The following SLIT2 variants were observed in gnomAD, a reference collection of about 807,000 sequenced individuals.
SLIT2 encodes slit guidance ligand 2.
SLIT2 carries 41 observed loss-of-function variants against 185.7 expected under a neutral mutation model. The ratio of observed to expected loss-of-function variants is 0.22; its 90% CI spans 0.17 to 0.29. The LOEUF (loss-of-function observed/expected upper bound fraction) is 0.29, where lower values mean the gene tolerates loss of function less well. Ranked by LOEUF, SLIT2 falls within the 10% of genes least tolerant of loss-of-function variation. SLIT2 has a pLI of 1.00. For missense variants in SLIT2, 1,571 were observed against 1,909.0 expected (o/e 0.82, Z 3.30); for synonymous variants, 693 against 680.2 (o/e 1.02, Z -0.29).
intron 29 of SLIT2, among the ~76,000 whole-genome samples, chr4:20,588,160 T>C (rs1367052668): frequency 1.3e-5 from 2 of 152,220 alleles, no homozygotes; most frequent in African/African-American, 4.8e-5. Context: ...TCATCATGCA[T>C]ATGTTGCTAA....
intron 11 of SLIT2, among the ~76,000 whole-genome samples, chr4:20,511,677 C>T (rs1350177284): frequency 6.7e-6 from 1 of 149,046 alleles, no homozygotes; most frequent in Non-Finnish European, 1.5e-5. Flanking sequence ...ATCCGCCCGT[C>T]TCGGCCTCCC....
intron 4 of SLIT2, among the ~76,000 whole-genome samples, chr4:20,387,665 G>T (rs1725037364): frequency 6.6e-6 from 1 of 152,116 alleles, no homozygotes; most frequent in African/African-American, 2.4e-5. Flanking sequence ...GCCAGTGCCG[G>T]TTCCCAGATG....
At position 20,325,308 on chromosome 4, in the gene SLIT2, C is replaced by T. The variant is rs190119544; in HGVS notation, c.395+56427C>T. ...TTCTTGGAGAAAAATATCTCTGGGA[C>T]AGCTTTAGTTTGGTGACCAACTCTG... On this transcript the variant is annotated intron_variant, in intron 4 of 36. Coordinates refer to ENST00000504154, the MANE Select transcript of SLIT2 (RefSeq NM_004787.4). Among the ~76,000 whole-genome samples, 238 of 150,068 alleles carry T rather than the reference C, an allele frequency of 1.6e-3. 1 individual carries two copies. Among genetic ancestry groups the T allele is most frequent in the Non-Finnish European group, 3.0e-3 (202 of 67,708 alleles).
chr4:20,294,959 G>T (rs1327341386), intron 4 of SLIT2, among the ~76,000 whole-genome samples: 1 of 152,142 alleles, frequency 6.6e-6, no homozygotes, highest in Non-Finnish European at 1.5e-5. Context: ...ATAAAACAAA[G>T]GTGCTACTTA....
intron 9 of SLIT2, among the ~76,000 whole-genome samples, chr4:20,499,899 AT>A (rs1166084949): frequency 6.6e-6 from 1 of 152,298 alleles, no homozygotes; most frequent in African/African-American, 2.4e-5. Context: ...CAAAGTATGA[AT>A]TTTTGATTGA....
chr4:20,364,167 C>A, intron 4 of SLIT2: 1 of 581,356 alleles, frequency 1.7e-6, no homozygotes, highest in South Asian at 7.5e-5. Flanking sequence ...GAAAAGCAGA[C>A]TTTACACTTA....
intron 33 of SLIT2, among the ~76,000 whole-genome samples, chr4:20,608,244 T>A (rs1728940511): frequency 6.6e-6 from 1 of 152,048 alleles, no homozygotes; most frequent in African/African-American, 2.4e-5. Flanking sequence ...AAGAGAAAAC[T>A]GAAATATATT....
intron 21 of SLIT2, among the ~76,000 whole-genome samples, chr4:20,543,446 T>C (rs1005100811): frequency 1.3e-5 from 2 of 152,208 alleles, no homozygotes; most frequent in African/African-American, 4.8e-5. Flanking sequence ...TGTCATATTC[T>C]GGATATGCTT....
chr4:20,355,785 A>G (rs879347237), intron 4 of SLIT2, among the ~76,000 whole-genome samples: 3 of 152,152 alleles, frequency 2.0e-5, no homozygotes, highest in African/African-American at 7.2e-5. Context: ...TGACGTGATT[A>G]TCTGATTATC....
intron 1 of SLIT2, among the ~76,000 whole-genome samples, chr4:20,256,128 T>G (rs1187302077): frequency 6.6e-6 from 1 of 152,224 alleles, no homozygotes; most frequent in Non-Finnish European, 1.5e-5. Context: ...ACAGAATTGT[T>G]GGAAGGTAAA....
At chr4:20,509,034 G>A (rs1194501350) in intron 9 of SLIT2, among the ~76,000 whole-genome samples, 1 of 151,900 alleles carries the variant, frequency 6.6e-6, no homozygotes, top group Non-Finnish European at 1.5e-5. Context: ...GTGCATGTGT[G>A]TGTGTGTGTA....
chr4:20,612,245 G>GA (rs139866324), intron 34 of SLIT2, among the ~76,000 whole-genome samples: 170 of 56,224 alleles, frequency 3.0e-3, no homozygotes, highest in African/African-American at 7.0e-3. Flanking sequence ...ACTATCTCAA[G>GA]AAAAAAAAAA....
intron 4 of SLIT2, among the ~76,000 whole-genome samples, chr4:20,349,960 A>G (rs1298184963): frequency 6.6e-6 from 1 of 152,224 alleles, no homozygotes; most frequent in African/African-American, 2.4e-5. Flanking sequence ...CTGAATCTGT[A>G]TAAGTAATAT....
intron 4 of SLIT2, among the ~76,000 whole-genome samples, chr4:20,347,386 A>G (rs1363733211): frequency 1.3e-5 from 2 of 151,978 alleles, no homozygotes; most frequent in African/African-American, 4.8e-5. Flanking sequence ...TCTTTTTTTT[A>G]TTTGTATAAA....
At chr4:20,515,300 C>A (rs1057099674) in intron 11 of SLIT2, among the ~76,000 whole-genome samples, 2 of 152,120 alleles carry the variant, frequency 1.3e-5, no homozygotes, top group Admixed American at 6.5e-5. Flanking sequence ...TGATAGAAAG[C>A]AATTTGTATG....
chr4:20,290,755 G>GT (rs11438198), intron 4 of SLIT2, among the ~76,000 whole-genome samples: 45,081 of 141,514 alleles, frequency 0.32, 7,259 homozygotes, highest in East Asian at 0.55. Flanking sequence ...TGTTTTCATG[G>GT]TTTTTTTTTT....
chr4:20,368,488 C>T (rs893630666), intron 4 of SLIT2, among the ~76,000 whole-genome samples: 22 of 151,994 alleles, frequency 1.4e-4, no homozygotes, highest in Non-Finnish European at 2.2e-4. Context: ...TAAACCACAA[C>T]GATCTTTCTA....
chr4:20,320,144 C>A (rs1202387365), intron 4 of SLIT2, among the ~76,000 whole-genome samples: 1 of 152,144 alleles, frequency 6.6e-6, no homozygotes, highest in Non-Finnish European at 1.5e-5. Context: ...AGGGGAAAAT[C>A]TACAGATAAA....
intron 4 of SLIT2, among the ~76,000 whole-genome samples, chr4:20,352,547 C>T (rs1434200459): frequency 6.6e-6 from 1 of 152,126 alleles, no homozygotes; most frequent in Non-Finnish European, 1.5e-5. Context: ...AAAATATTAA[C>T]TTGTACCTTC....
Sources: allele counts gnomAD v4.1 joint callset (sites outside exome capture counted in the v4.1 genomes callset), GRCh38; gene constraint gnomAD v4.1.1; transcripts MANE v1.5; gene names NCBI Gene and HGNC (gene_info 2026-07-23, HGNC 2026-07-21).